TDRD15: variants seen among roughly 807,000 people sequenced by gnomAD.
TDRD15 encodes tudor domain containing 15.
For synonymous variants in TDRD15, 503 were observed against 314.5 expected (o/e 1.60, Z -6.34); for missense variants, 1,416 against 904.7 (o/e 1.57, Z -7.25).
chr2:21,127,425 GT>G (rs1232045796), intron 1 of TDRD15, among the ~76,000 whole-genome samples, 175 bp from the exon 2 acceptor site: 1 of 152,000 alleles, frequency 6.6e-6, no homozygotes, highest in African/African-American at 2.4e-5. Context: ...TTTCTGAGAA[GT>G]TTTATACATT....
chr2:21,136,532 C>T (rs995850422), intron 3 of TDRD15, among the ~76,000 whole-genome samples: 1 of 152,034 alleles, frequency 6.6e-6, no homozygotes, highest in Non-Finnish European at 1.5e-5. Flanking sequence ...GAGGTTCCCT[C>T]ATTTTGAGGG....
intron 3 of TDRD15, 62 bp downstream of exon 3, chr2:21,134,909 T>TTACAAAACCATGTCACTTTTCA (rs1665779214): frequency 6.6e-6 from 1 of 150,850 alleles, no homozygotes; most frequent in South Asian, 2.1e-4. Context: ...AAGGGTTGGA[T>TTACAAAACCATGTCACTTTTCA]CTAGAACATC....
intron 1 of TDRD15, among the ~76,000 whole-genome samples, chr2:21,124,817 G>GGTGT (rs70939068): frequency 2.9e-4 from 34 of 115,886 alleles, no homozygotes; most frequent in African/African-American, 1.0e-3. Flanking sequence ...CTAATGCCAG[G>GGTGT]GTGTGTGTGT....
chr2:21,130,307 T>C (rs895168072), intron 2 of TDRD15, among the ~76,000 whole-genome samples: 3 of 152,354 alleles, frequency 2.0e-5, no homozygotes, highest in African/African-American at 7.2e-5. Context: ...GATAAACTCA[T>C]TGTAAATTGA....
At chr2:21,129,432 G>A (rs945138190) in intron 2 of TDRD15, among the ~76,000 whole-genome samples, 6 of 152,150 alleles carry the variant, frequency 3.9e-5, no homozygotes, top group Non-Finnish European at 8.8e-5. Flanking sequence ...GCATTTCATT[G>A]CAGTTTGTTT....
intron 2 of TDRD15, among the ~76,000 whole-genome samples, chr2:21,133,525 C>T (rs1190895298): frequency 2.6e-5 from 4 of 151,970 alleles, no homozygotes; most frequent in Admixed American, 2.0e-4. Context: ...AATCAGAAAC[C>T]TAAATCTCTT....
rs753656364 is a variant in TDRD15, at chr2:21,137,737, A to G, written c.270A>G (p.Thr90=). The change falls in exon 4 of 4, where the codon ACA becomes ACG. Residue 90 remains threonine, a synonymous_variant. Transcript: ENST00000405799. ...RVMEKKNELY[T]VLLIDRGEEL... is the part of the protein sequence containing the mutation. ...TGGAAAAGAAAAATGAACTCTATAC[A>G]GTGCTCCTCATAGATCGCGGAGAAG... 7 of 716,688 alleles carry G rather than the reference A, an allele frequency of 9.8e-6. No individual in the cohort carries two copies. In the Middle Eastern group the frequency reaches 1.6e-3, roughly 164 times the overall value. The allele number at this position is 716,688 out of a possible 1,614,324, so 44.4% of individuals were successfully genotyped here.
chr2:21,127,746 G>T (rs905999094), intron 2 of TDRD15, 35 bp downstream of exon 2: 1 of 152,000 alleles, frequency 6.6e-6, no homozygotes, highest in African/African-American at 2.4e-5. Flanking sequence ...ATCTTTTTCA[G>T]TTTATTTTTT....
rs778738777 is a variant in TDRD15, at chr2:21,137,767, A to C, written c.300A>C (p.Leu100=). 4.2e-6 allele frequency: 3 copies of C among 716,660 alleles called. No homozygotes were observed. In the South Asian group the frequency reaches 4.4e-5, roughly 11 times the overall value. 44.4% of individuals were successfully genotyped at this position (716,660 alleles called of 1,614,324 possible). A position where few individuals can be genotyped will look rare whatever the true frequency, so the allele number is the denominator to read the frequency against. Residue 100 remains leucine (L), a synonymous_variant, in exon 4 of 4, where the codon CTA becomes CTC. Coordinates refer to ENST00000405799, the MANE Select transcript of TDRD15 (RefSeq NM_001306137.2). The part of the protein sequence containing the change: ...TVLLIDRGEE[L]RVAGPQIASA... The stretch of plus-strand genomic sequence containing the variant: ...TCCTCATAGATCGCGGAGAAGAACT[A>C]AGAGTTGCTGGTCCACAGATTGCTT...
chr2:21,138,825 A>G lies in TDRD15; in HGVS notation c.1358A>G (p.Asn453Ser). 1.4e-6 allele frequency: 1 copy of G among 713,676 alleles called. No individual in the cohort carries two copies. Among genetic ancestry groups the G allele is most frequent in the Non-Finnish European group, 2.6e-6 (1 of 383,516 alleles). 44.2% of individuals were successfully genotyped at this position (713,676 alleles called of 1,614,324 possible). The change falls in exon 4 of 4, where the codon AAT (asparagine) becomes AGT (serine). Residue 453 changes from asparagine (N) to serine (S), a missense_variant. Physicochemically the swap from Asn to Ser is conservative, Grantham distance 46. Transcript: ENST00000405799. ...TTTGCAGTTGAGAGTTTTATGGGAA[A>G]TATTGAATGGTCAATAGACTCTCTA... The part of the protein sequence containing the change: ...NSFAVESFMG[N>S]IEWSIDSLNK...
At chr2:21,130,491 A>G (rs141833277) in intron 2 of TDRD15, among the ~76,000 whole-genome samples, 3 of 152,310 alleles carry the variant, frequency 2.0e-5, no homozygotes, top group Non-Finnish European at 4.4e-5. Context: ...CTATGGGGTT[A>G]TATCCCCCAA....
rs1558299524 is a variant in TDRD15 at position 21,139,449 on chromosome 2, A to G, written c.1982A>G (p.Tyr661Cys). ...DVISLMLQAG[Y>C]AEYFQVELEY... Reference sequence around the variant, plus strand: ...ATCTCTCTTATGTTACAAGCTGGATATGCAGAATATTTTCAAGTAGAACTA... The same window carrying G: ...ATCTCTCTTATGTTACAAGCTGGATGTGCAGAATATTTTCAAGTAGAACTA... The change falls in exon 4 of 4, where the codon TAT becomes TGT. Residue 661 changes from tyrosine (Y) to cysteine (C), a missense_variant. Physicochemically the swap from Tyr to Cys is radical, Grantham distance 194 (BLOSUM62 -2). Transcript: ENST00000405799. 4.2e-6 allele frequency: 3 copies of G among 709,510 alleles called. No homozygotes were observed. Among genetic ancestry groups the G allele is most frequent in the Middle Eastern group, 2.3e-4 (1 of 4,310 alleles). The allele number at this position is 709,510 out of a possible 1,614,324, so 44.0% of individuals were successfully genotyped here. A position where few individuals can be genotyped will look rare whatever the true frequency, so the allele number is the denominator to read the frequency against.
In TDRD15 at chr2:21,141,428, A is replaced by G; in HGVS notation, c.3961A>G (p.Ile1321Val). The change falls in exon 4 of 4, where the codon ATT (isoleucine) becomes GTT (valine). Residue 1321 changes from isoleucine (I) to valine (V), a missense_variant. By Grantham distance (29) the Ile-to-Val change is conservative (BLOSUM62 3). Coordinates refer to ENST00000405799, the MANE Select transcript of TDRD15 (RefSeq NM_001306137.2). ...TCAGCTTGCTGAGAATGAAAGTGTA[A>G]TTATCAGACTTGCTGATGCTCTAAA... ...HIQLAENESV[I>V]IRLADALNAT... The G allele has an allele frequency of 2.8e-6, 2 of 713,412 alleles. No individual in the cohort carries two copies. Among genetic ancestry groups the G allele is most frequent in the Non-Finnish European group, 5.2e-6 (2 of 383,128 alleles). The allele number at this position is 713,412 out of a possible 1,614,324, so 44.2% of individuals were successfully genotyped here. A position where few individuals can be genotyped will look rare whatever the true frequency, so the allele number is the denominator to read the frequency against.
intron 3 of TDRD15, among the ~76,000 whole-genome samples, chr2:21,135,625 C>A (rs1665793464): frequency 6.6e-6 from 1 of 152,010 alleles, no homozygotes; most frequent in Non-Finnish European, 1.5e-5. Flanking sequence ...GCAATTTCTT[C>A]TTTAGGCAAA....
rs115751964 is a variant in TDRD15 at position 21,133,395 on chromosome 2, G to C, written c.-89-1367G>C. ...TTGTGGGTTTTTTTCTTTTGTATTT[G>C]CATCTTTCATTTTTATTTTGGCTCT... On this transcript the variant is annotated intron_variant, in intron 2 of 3. Coordinates refer to ENST00000405799, the MANE Select transcript of TDRD15 (RefSeq NM_001306137.2). Among the ~76,000 whole-genome samples, 1,081 of 152,052 alleles carry C rather than the reference G, an allele frequency of 7.1e-3. 16 individuals are homozygous for C. The highest frequency in any genetic ancestry group is 0.024 in the African/African-American group (1,001 of 41,498).
rs890306286 is a variant in TDRD15 at position 21,127,291 on chromosome 2, A to T, written c.-200-310A>T. ...AGTCTTTTTATTGTGTCTTTGGAGGAGCAAAATATTTTAATTTTGATAAAC... is the reference window on the plus strand; with the variant it reads ...AGTCTTTTTATTGTGTCTTTGGAGGTGCAAAATATTTTAATTTTGATAAAC... On this transcript the variant is annotated intron_variant, in intron 1 of 3. Coordinates refer to ENST00000405799, the MANE Select transcript of TDRD15 (RefSeq NM_001306137.2). Among the ~76,000 whole-genome samples the T allele has an allele frequency of 2.0e-5, 3 of 151,982 alleles. No individual in the cohort carries two copies. In the South Asian group the frequency reaches 6.2e-4, roughly 32 times the overall value.
Position 21,137,390 on chromosome 2 carries a change from A to G in TDRD15, c.-3-75A>G, listed in dbSNP as rs983888250. 810 of 529,588 alleles carry G rather than the reference A, an allele frequency of 1.5e-3. 18 individuals are homozygous for G. The highest frequency in any genetic ancestry group is 3.1e-4 in the Non-Finnish European group (92 of 293,706). 32.8% of individuals were successfully genotyped at this position (529,588 alleles called of 1,614,324 possible). A position where few individuals can be genotyped will look rare whatever the true frequency, so the allele number is the denominator to read the frequency against. On this transcript the variant is annotated intron_variant, in intron 3 of 3. Coordinates refer to ENST00000405799, the MANE Select transcript of TDRD15 (RefSeq NM_001306137.2). ...CAGGCATATAATTATTTTTAGTTTT[A>G]TATTTATATGCCAAACATAAGGCTA...
In TDRD15 at chr2:21,142,647, T is replaced by C; in HGVS notation, c.5180T>C (p.Val1727Ala). 1 of 712,450 alleles carries C rather than the reference T, an allele frequency of 1.4e-6. No homozygotes were observed. The highest frequency in any genetic ancestry group is 2.6e-6 in the Non-Finnish European group (1 of 382,860). 44.1% of individuals were successfully genotyped at this position (712,450 alleles called of 1,614,324 possible). A position where few individuals can be genotyped will look rare whatever the true frequency, so the allele number is the denominator to read the frequency against. Reference protein sequence around the residue: ...SSCTIKSFTWVQFQNDRQYSG... With the variant: ...SSCTIKSFTWAQFQNDRQYSG... Reference sequence around the variant, plus strand: ...TGCACAATAAAATCATTTACTTGGGTTCAATTCCAAAATGATAGGCAGTAT... The same window carrying C: ...TGCACAATAAAATCATTTACTTGGGCTCAATTCCAAAATGATAGGCAGTAT... The change falls in exon 4 of 4, where the codon GTT (valine) becomes GCT (alanine). Residue 1727 changes from valine to alanine, a missense_variant. By Grantham distance (64) the Val-to-Ala change is moderately conservative. Transcript: ENST00000405799.
chr2:21,146,228 C>T (rs1666027244), downstream of TDRD15, among the ~76,000 whole-genome samples: 2 of 151,932 alleles, frequency 1.3e-5, no homozygotes, highest in African/African-American at 4.8e-5. Context: ...TAATTTTGAG[C>T]TAAACTTAAT....
Sources: allele counts gnomAD v4.1 joint callset (sites outside exome capture counted in the v4.1 genomes callset), GRCh38; gene constraint gnomAD v4.1.1; transcripts MANE v1.5; gene names NCBI Gene and HGNC (gene_info 2026-07-23, HGNC 2026-07-21).